DEPDC1B: variants seen among roughly 807,000 people sequenced by gnomAD.
DEPDC1B encodes the protein DEP domain-containing protein 1B.
DEPDC1B carries 51 observed loss-of-function variants against 66.5 expected under a neutral mutation model. That is an observed-to-expected ratio of 0.77 (90% CI 0.61 to 0.97). DEPDC1B has a LOEUF of 0.97. DEPDC1B is among the 50% of genes least tolerant of loss of function. The probability of loss-of-function intolerance (pLI) is 0.00; values close to 1 mark genes in which losing one functional copy is unlikely to be tolerated. For missense variants in DEPDC1B, 552 were observed against 637.1 expected, an observed-to-expected ratio of 0.87 and a Z score of 1.44; for synonymous variants, 226 against 223.6, an observed-to-expected ratio of 1.01 and a Z score of -0.10.
intron 2 of DEPDC1B, among the ~76,000 whole-genome samples, chr5:60,669,041 C>T (rs975649780): frequency 2.6e-5 from 4 of 152,138 alleles, no homozygotes; most frequent in African/African-American, 9.7e-5. Flanking sequence ...AGTTACTGGC[C>T]ACAGCTAATT....
chr5:60,633,245 G>GT (rs1388133880), intron 7 of DEPDC1B, among the ~76,000 whole-genome samples: 1 of 152,154 alleles, frequency 6.6e-6, no homozygotes, highest in Non-Finnish European at 1.5e-5. Context: ...CTTCTCTATG[G>GT]TAGGTACTGT....
intron 7 of DEPDC1B, among the ~76,000 whole-genome samples, chr5:60,619,149 A>G (rs1267782900): frequency 2.0e-5 from 3 of 152,222 alleles, no homozygotes; most frequent in East Asian, 1.9e-4. Flanking sequence ...CCAAATAATA[A>G]GAGCTATTTA....
At chr5:60,660,833 C>T (rs1426101693) in intron 2 of DEPDC1B, among the ~76,000 whole-genome samples, 1 of 152,170 alleles carries the variant, frequency 6.6e-6, no homozygotes, top group Non-Finnish European at 1.5e-5. Flanking sequence ...ATACAAAGGT[C>T]CAACCAGACC....
chr5:60,642,162 A>G (rs1753205528), intron 6 of DEPDC1B, among the ~76,000 whole-genome samples: 1 of 152,220 alleles, frequency 6.6e-6, no homozygotes, highest in Non-Finnish European at 1.5e-5. Flanking sequence ...AAAATGAACT[A>G]CTACCTTGTG....
intron 7 of DEPDC1B, among the ~76,000 whole-genome samples, chr5:60,619,702 T>C (rs1752655845): frequency 6.6e-6 from 1 of 152,166 alleles, no homozygotes; most frequent in South Asian, 2.1e-4. Flanking sequence ...ATTGTGAAAA[T>C]GGCCATACTG....
intron 2 of DEPDC1B, among the ~76,000 whole-genome samples, chr5:60,672,892 C>T (rs116110148): frequency 1.1e-4 from 16 of 152,190 alleles, no homozygotes; most frequent in African/African-American, 2.9e-4. Flanking sequence ...GAGGACTGAG[C>T]GACCTTAACT....
At chr5:60,646,527 T>C (rs1753319853) in intron 3 of DEPDC1B, among the ~76,000 whole-genome samples, 1 of 152,182 alleles carries the variant, frequency 6.6e-6, no homozygotes, top group Non-Finnish European at 1.5e-5. Context: ...TATTTATGGG[T>C]TCTGCATCTA....
At position 60,668,220 on chromosome 5, in the gene DEPDC1B, T is replaced by A. The variant is rs1351337660; in HGVS notation, c.314+18742A>T. ...AAAATGGATATTTTATATATATATATAAAATGGATATTTTATATATATATA... is the reference window on the plus strand; with the variant it reads ...AAAATGGATATTTTATATATATATAAAAAATGGATATTTTATATATATATA... On this transcript the variant is annotated intron_variant, in intron 2 of 10. Coordinates refer to ENST00000265036, the MANE Select transcript of DEPDC1B (RefSeq NM_018369.3). Among the ~76,000 whole-genome samples, 6 of 62,476 alleles carry A rather than the reference T, an allele frequency of 9.6e-5. 1 individual carries two copies. The highest frequency in any genetic ancestry group is 1.6e-4 in the Non-Finnish European group (5 of 31,300). The allele number at this position is 62,476 out of a possible 152,430, so 41.0% of individuals were successfully genotyped here.
intron 1 of DEPDC1B, among the ~76,000 whole-genome samples, chr5:60,695,482 A>T (rs964562603): frequency 2.6e-5 from 4 of 152,178 alleles, no homozygotes; most frequent in Non-Finnish European, 5.9e-5. Context: ...GCCATTCATG[A>T]GTGATCTGCC....
At chr5:60,625,677 C>CA (rs970517236) in intron 7 of DEPDC1B, among the ~76,000 whole-genome samples, 6 of 152,026 alleles carry the variant, frequency 3.9e-5, no homozygotes, top group African/African-American at 1.4e-4. Context: ...TCATAGGGGA[C>CA]AAAAAAAGAT....
intron 7 of DEPDC1B, among the ~76,000 whole-genome samples, chr5:60,624,226 A>C (rs114304794): frequency 0.02 from 2,967 of 152,112 alleles, 94 homozygotes; most frequent in African/African-American, 0.067. Flanking sequence ...TGTCACATAC[A>C]TTTTCTGCAA....
At chr5:60,653,681 G>GGT (rs1753509061) in intron 2 of DEPDC1B, among the ~76,000 whole-genome samples, 3 of 152,108 alleles carry the variant, frequency 2.0e-5, no homozygotes, top group African/African-American at 7.2e-5. Context: ...TGAAGTCTTT[G>GGT]TCTAAGCCAA....
intron 7 of DEPDC1B, among the ~76,000 whole-genome samples, chr5:60,629,481 T>C (rs1351625009): frequency 6.6e-6 from 1 of 152,214 alleles, no homozygotes; most frequent in African/African-American, 2.4e-5. Flanking sequence ...AGTGTAATAG[T>C]ACCCCTTCAT....
At position 60,603,565 on chromosome 5, in the gene DEPDC1B, C is replaced by A; in HGVS notation, c.1068G>T (p.Met356Ile). 5 of 1,586,758 alleles carry A rather than the reference C, an allele frequency of 3.2e-6. No individual in the cohort carries two copies. Among genetic ancestry groups the A allele is most frequent in the South Asian group, 1.2e-5 (1 of 85,590 alleles). ...LCDGFGTRTLMVQTFSRCILC... is the reference protein window; with the variant it reads ...LCDGFGTRTLIVQTFSRCILC... ...AGATGCAACGGGAAAATGTCTGAAC[C>A]ATCTAAAAAAAGAGCGGGGTGGGGG... The change falls in exon 9 of 11, where the codon ATG becomes ATT. Residue 356 changes from methionine (M) to isoleucine (I), a missense_variant and splice_region_variant. Physicochemically the swap from Met to Ile is conservative, Grantham distance 10 (BLOSUM62 1). Coordinates refer to ENST00000265036, the MANE Select transcript of DEPDC1B (RefSeq NM_018369.3).
At chr5:60,641,832 A>T (rs1015159550) in intron 6 of DEPDC1B, among the ~76,000 whole-genome samples, 3 of 152,202 alleles carry the variant, frequency 2.0e-5, no homozygotes, top group Admixed American at 6.5e-5. Flanking sequence ...AATTTTAACC[A>T]AAAACCAATG....
chr5:60,613,668 A>C (rs1014118956), intron 7 of DEPDC1B, among the ~76,000 whole-genome samples: 2 of 152,174 alleles, frequency 1.3e-5, no homozygotes, highest in African/African-American at 4.8e-5. Context: ...TTACTTTTTT[A>C]AGTCTGTATT....
chr5:60,613,515 C>T lies in DEPDC1B; in HGVS notation c.899-7659G>A, dbSNP rs575565063. Among the ~76,000 whole-genome samples the T allele has an allele frequency of 4.1e-4, 62 of 152,100 alleles. 2 individuals are homozygous for T. In the South Asian group the frequency reaches 1.0e-2, roughly 24 times the overall value. On this transcript the variant is annotated intron_variant, in intron 7 of 10. Coordinates refer to ENST00000265036, the MANE Select transcript of DEPDC1B (RefSeq NM_018369.3). Reference sequence around the variant, plus strand: ...CTCACAGTCTGGAGAAGAAGATGAACGAACAGAAGCCATCACAAAGCAATG... The same window carrying T: ...CTCACAGTCTGGAGAAGAAGATGAATGAACAGAAGCCATCACAAAGCAATG...
In DEPDC1B at chr5:60,673,596, G is replaced by A. The variant is rs185102568; in HGVS notation, c.314+13366C>T. Among the ~76,000 whole-genome samples the A allele has an allele frequency of 3.9e-4, 59 of 152,268 alleles. No individual in the cohort carries two copies. In the East Asian group the frequency reaches 7.9e-3, roughly 20 times the overall value. ...CTTATGTTCACAGGAAACATTTGGT[G>A]GGCCTCTCCCATTCCTAGTTTGAGA... On this transcript the variant is annotated intron_variant, in intron 2 of 10. Coordinates refer to ENST00000265036, the MANE Select transcript of DEPDC1B (RefSeq NM_018369.3).
At chr5:60,615,396 G>C (rs1423016822) in intron 7 of DEPDC1B, among the ~76,000 whole-genome samples, 1 of 152,204 alleles carries the variant, frequency 6.6e-6, no homozygotes, top group Non-Finnish European at 1.5e-5. Context: ...CCCTTTCCTA[G>C]TCAAAGAAAG....
Sources: allele counts gnomAD v4.1 joint callset (sites outside exome capture counted in the v4.1 genomes callset), GRCh38; gene constraint gnomAD v4.1.1; transcripts MANE v1.5; gene names NCBI Gene and HGNC (gene_info 2026-07-23, HGNC 2026-07-21).